PTPRK: variants seen among roughly 807,000 people sequenced by gnomAD.
The protein encoded by PTPRK is protein tyrosine phosphatase receptor type K.
A neutral mutation model predicts 178.0 loss-of-function variants in PTPRK; 75 were observed. That is an observed-to-expected ratio of 0.42 (90% CI 0.35 to 0.51). PTPRK has a LOEUF of 0.51. Ranked by LOEUF, PTPRK falls within the 20% of genes least tolerant of loss-of-function variation. The probability of loss-of-function intolerance (pLI) is 0.02; values close to 1 mark genes in which losing one functional copy is unlikely to be tolerated. For missense variants in PTPRK, 1,441 were observed against 1,797.8 expected (o/e 0.80, Z 3.59); for synonymous variants, 637 against 620.6 (o/e 1.03, Z -0.39).
intron 1 of PTPRK, among the ~76,000 whole-genome samples, chr6:128,497,919 C>T (rs756796639): frequency 2.0e-4 from 30 of 151,760 alleles, no homozygotes; most frequent in Non-Finnish European, 8.8e-5. Context: ...GTGTATATTA[C>T]GAAGTATTTT....
intron 5 of PTPRK, among the ~76,000 whole-genome samples, chr6:128,220,919 G>A (rs1810288706): frequency 6.6e-6 from 1 of 152,124 alleles, no homozygotes; most frequent in Non-Finnish European, 1.5e-5. Flanking sequence ...CATTTCTGGG[G>A]TGTAAATACT....
chr6:128,185,966 T>C (rs1055086692), intron 6 of PTPRK, among the ~76,000 whole-genome samples: 1 of 152,152 alleles, frequency 6.6e-6, no homozygotes, highest in Non-Finnish European at 1.5e-5. Context: ...TTAACCCTGA[T>C]TGTATAAAAG....
rs1226339183 is a variant in PTPRK at position 128,003,243 on chromosome 6, A to G, written c.2494+1841T>C. On this transcript the variant is annotated intron_variant, in intron 15 of 29. Coordinates refer to ENST00000368226, the MANE Select transcript of PTPRK (RefSeq NM_002844.4). Reference sequence around the variant, plus strand: ...GTGGATCATTGGGCACTGCAGGAAAACAAAGCTCATGAAGGAATATATTGC... The same window carrying G: ...GTGGATCATTGGGCACTGCAGGAAAGCAAAGCTCATGAAGGAATATATTGC... The G allele has an allele frequency of 1.9e-6, 3 of 1,601,800 alleles. No homozygotes were observed. In the African/African-American group the frequency reaches 4.0e-5, roughly 21 times the overall value.
chr6:128,211,192 T>C (rs1249965736), intron 6 of PTPRK, among the ~76,000 whole-genome samples: 1 of 152,142 alleles, frequency 6.6e-6, no homozygotes, highest in Non-Finnish European at 1.5e-5. Flanking sequence ...TATTTATATT[T>C]GAGGAAAGCC....
At chr6:128,471,902 C>A (rs1850720143) in intron 1 of PTPRK, among the ~76,000 whole-genome samples, 1 of 150,936 alleles carries the variant, frequency 6.6e-6, no homozygotes, top group Non-Finnish European at 1.5e-5. Context: ...ATAGCAGAAG[C>A]AAATAAGTCT....
At chr6:128,071,858 A>T (rs952110370) in intron 11 of PTPRK, among the ~76,000 whole-genome samples, 3 of 152,054 alleles carry the variant, frequency 2.0e-5, no homozygotes, top group Non-Finnish European at 4.4e-5. Flanking sequence ...CTGTTCTCTA[A>T]CCACATTTCC....
intron 5 of PTPRK, among the ~76,000 whole-genome samples, chr6:128,238,414 T>C (rs1326989257): frequency 6.6e-6 from 1 of 151,528 alleles, no homozygotes. Context: ...GTCCAGAAAG[T>C]CTTTGTTGCC....
At chr6:127,996,821 C>G (rs1184604703) in intron 17 of PTPRK, 80 bp downstream of exon 17, 1 of 1,486,868 alleles carries the variant, frequency 6.7e-7, no homozygotes, top group Non-Finnish European at 9.1e-7. Flanking sequence ...AGACACACCA[C>G]TCTCTGGGAT....
chr6:127,987,471 T>C (rs1229501371), intron 21 of PTPRK, among the ~76,000 whole-genome samples: 1 of 152,110 alleles, frequency 6.6e-6, no homozygotes, highest in Non-Finnish European at 1.5e-5. Flanking sequence ...CTGAGATATT[T>C]TGGCACTTTG....
intron 1 of PTPRK, among the ~76,000 whole-genome samples, chr6:128,510,006 T>G (rs1384219681): frequency 6.6e-6 from 1 of 152,178 alleles, no homozygotes; most frequent in Non-Finnish European, 1.5e-5. Flanking sequence ...CATTTAGGAC[T>G]GACAGTCATC....
chr6:128,207,213 T>C (rs1454231270), intron 6 of PTPRK, among the ~76,000 whole-genome samples: 1 of 152,196 alleles, frequency 6.6e-6, no homozygotes, highest in African/African-American at 2.4e-5. Context: ...TCCTGGACTC[T>C]CACATTACTG....
chr6:128,477,959 A>G (rs1334526239), intron 1 of PTPRK, among the ~76,000 whole-genome samples: 3 of 152,118 alleles, frequency 2.0e-5, no homozygotes, highest in Non-Finnish European at 4.4e-5. Flanking sequence ...CAAAATGAAG[A>G]GGCCTAGGAT....
intron 2 of PTPRK, among the ~76,000 whole-genome samples, chr6:128,354,229 A>ATTTTTTTTTTTTTTTTT (rs1201996929): frequency 3.6e-5 from 1 of 27,746 alleles, no homozygotes; most frequent in African/African-American, 1.1e-4. Flanking sequence ...TTTTTTGTTT[A>ATTTTTTTTTTTTTTTTT]TGTTTTTTTT....
chr6:127,997,085 C>T, intron 16 of PTPRK, 97 bp from the exon 17 acceptor site: 3 of 1,274,752 alleles, frequency 2.4e-6, no homozygotes, highest in Middle Eastern at 2.0e-4. Context: ...ACCACTTTCT[C>T]AGAGAGGAAA....
At chr6:128,058,585 T>C (rs1780292526) in intron 13 of PTPRK, among the ~76,000 whole-genome samples, 1 of 152,160 alleles carries the variant, frequency 6.6e-6, no homozygotes, top group Admixed American at 6.5e-5. Context: ...TTTTCTCCTC[T>C]GTAAATTCTA....
At chr6:128,073,709 A>G (rs547470193) in intron 11 of PTPRK, among the ~76,000 whole-genome samples, 177 of 152,146 alleles carry the variant, frequency 1.2e-3, no homozygotes, top group African/African-American at 4.0e-3. Context: ...CAAGAAGGGC[A>G]TACTTCCTCC....
At chr6:128,510,095 C>A (rs17364020) in intron 1 of PTPRK, among the ~76,000 whole-genome samples, 33 of 152,134 alleles carry the variant, frequency 2.2e-4, no homozygotes, top group Middle Eastern at 3.4e-3. Flanking sequence ...CAAAAGTGTA[C>A]GAAAACAAGC....
chr6:128,095,523 G>A lies in PTPRK; in HGVS notation c.1163-5531C>T, dbSNP rs368461184. Among the ~76,000 whole-genome samples the A allele has an allele frequency of 1.5e-4, 23 of 152,142 alleles. No homozygotes were observed. The East Asian group carries it at 4.5e-3, about 29-fold the overall frequency. ...AAGAGGGATGAGGAAGGGGTTCATT[G>A]GCCCAACCAGAAACAGAAACTAAGA... On this transcript the variant is annotated intron_variant, in intron 7 of 29. Coordinates refer to ENST00000368226, the MANE Select transcript of PTPRK (RefSeq NM_002844.4).
chr6:127,984,985 A>G (rs1260650960), intron 22 of PTPRK, among the ~76,000 whole-genome samples: 1 of 152,178 alleles, frequency 6.6e-6, no homozygotes, highest in East Asian at 1.9e-4. Flanking sequence ...CAGAAAGCAA[A>G]AAATGCTTAG....
Sources: allele counts gnomAD v4.1 joint callset (sites outside exome capture counted in the v4.1 genomes callset), GRCh38; gene constraint gnomAD v4.1.1; transcripts MANE v1.5; gene names NCBI Gene and HGNC (gene_info 2026-07-23, HGNC 2026-07-21).